Variants in KDM4C observed in about 807,000 individuals in gnomAD.
KDM4C encodes the protein lysine-specific demethylase 4C.
A neutral mutation model predicts 129.3 loss-of-function variants in KDM4C; 81 were observed. The observed-to-expected ratio is 0.63, with a 90% CI of 0.52 to 0.75. The LOEUF (loss-of-function observed/expected upper bound fraction) is 0.75, where lower values mean the gene tolerates loss of function less well. KDM4C is among the 30% of genes least tolerant of loss of function. The probability of loss-of-function intolerance (pLI) is 0.00; values close to 1 mark genes in which losing one functional copy is unlikely to be tolerated. For synonymous variants in KDM4C, 573 were observed against 456.1 expected, an observed-to-expected ratio of 1.26 and a Z score of -3.26; for missense variants, 1,457 against 1,304.0, an observed-to-expected ratio of 1.12 and a Z score of -1.81.
At chr9:7,170,006 G>A (rs7022348) in intron 21 of KDM4C, 116 bp downstream of exon 21, 299,358 of 1,556,958 alleles carry the variant, frequency 0.19, 30,673 homozygotes, top group Middle Eastern at 0.24. Context: ...TCTAAAAAAA[G>A]CCAATGCAAC....
chr9:7,110,272 G>A (rs1458839219), intron 18 of KDM4C, among the ~76,000 whole-genome samples: 1 of 152,166 alleles, frequency 6.6e-6, no homozygotes, highest in Admixed American at 6.5e-5. Flanking sequence ...GCCATGAAAG[G>A]TGCACATTAC....
chr9:6,892,829 C>T (rs905504081), intron 7 of KDM4C, among the ~76,000 whole-genome samples: 5 of 152,124 alleles, frequency 3.3e-5, no homozygotes, highest in Non-Finnish European at 7.4e-5. Context: ...AAGATACCTT[C>T]AATTAAAATG....
In KDM4C at chr9:6,943,878, C is replaced by G. The variant is rs891136570; in HGVS notation, c.922-37047C>G. On this transcript the variant is annotated intron_variant, in intron 8 of 21. Transcript: ENST00000381309. ...AGCCAGAATCTTTTTTTACAGGGTC[C>G]CCAGATGTTTCTCATGCTTGCTAAA... Among the ~76,000 whole-genome samples the G allele has an allele frequency of 2.6e-5, 4 of 152,108 alleles. No homozygotes were observed. In the South Asian group the frequency reaches 8.3e-4, roughly 32 times the overall value.
At chr9:6,743,197 G>A (rs1817759819) in intron 1 of KDM4C, among the ~76,000 whole-genome samples, 1 of 152,168 alleles carries the variant, frequency 6.6e-6, no homozygotes, top group African/African-American at 2.4e-5. Flanking sequence ...CAATCCTCTT[G>A]TCTTAAGTAG....
At chr9:6,864,612 G>T (rs1002686174) in intron 5 of KDM4C, among the ~76,000 whole-genome samples, 22 of 151,724 alleles carry the variant, frequency 1.5e-4, no homozygotes, top group Non-Finnish European at 2.6e-4. Flanking sequence ...GGGATTACAG[G>T]CATGTGCCAA....
intron 3 of KDM4C, among the ~76,000 whole-genome samples, chr9:6,806,979 C>T (rs62568039): frequency 6.6e-6 from 1 of 152,078 alleles, no homozygotes; most frequent in Non-Finnish European, 1.5e-5. Context: ...CTGCCATCTC[C>T]GCTCACTGCA....
intron 17 of KDM4C, among the ~76,000 whole-genome samples, chr9:7,078,986 C>T (rs1283745317): frequency 6.6e-6 from 1 of 152,206 alleles, no homozygotes; most frequent in Non-Finnish European, 1.5e-5. Context: ...TAGGCACCCT[C>T]TGCCTAGCAT....
intron 5 of KDM4C, among the ~76,000 whole-genome samples, chr9:6,856,533 TGTGTG>T (rs1564171389): frequency 7.9e-5 from 10 of 126,792 alleles, no homozygotes; most frequent in African/African-American, 3.3e-4. Flanking sequence ...TATCTCTCTC[TGTGTG>T]CGTGTGTGTG....
intron 4 of KDM4C, among the ~76,000 whole-genome samples, chr9:6,839,278 A>T (rs746973832): frequency 2.6e-5 from 4 of 152,028 alleles, no homozygotes; most frequent in Non-Finnish European, 4.4e-5. Flanking sequence ...TACCCAGGCT[A>T]GAGTGCAGTA....
upstream of KDM4C, among the ~76,000 whole-genome samples, chr9:6,755,472 C>T (rs1818213602): frequency 1.3e-5 from 2 of 152,072 alleles, no homozygotes; most frequent in Non-Finnish European, 1.5e-5. Flanking sequence ...TGCTTGAACC[C>T]GGGAGGTCAA....
chr9:6,824,367 T>A (rs955441213), intron 4 of KDM4C, among the ~76,000 whole-genome samples: 55 of 152,196 alleles, frequency 3.6e-4, no homozygotes, highest in African/African-American at 1.3e-3. Flanking sequence ...GATAACAGAC[T>A]GCAGCAAGAT....
chr9:7,121,964 G>A lies in KDM4C; in HGVS notation c.2611-6102G>A, dbSNP rs997967120. 4.6e-5 allele frequency among the ~76,000 whole-genome samples: 7 copies of A among 151,866 alleles called. No homozygotes were observed. In the East Asian group the frequency reaches 1.3e-3, roughly 29 times the overall value. ...CATTTTTTCCCATGCTTATTTTCTG[G>A]TTGGTTTTATTTCCTTTTCTTTCCA... is the stretch of plus-strand genomic sequence containing the variant. On this transcript the variant is annotated intron_variant, in intron 18 of 21. Transcript: ENST00000381309.
chr9:6,921,470 T>C (rs989561176), intron 8 of KDM4C, among the ~76,000 whole-genome samples: 3 of 152,200 alleles, frequency 2.0e-5, no homozygotes, highest in Admixed American at 2.0e-4. Context: ...GCTCACTCGC[T>C]TTCTGTTTAA....
rs61477112 is a variant in KDM4C at position 6,873,941 on chromosome 9, CGAGAGAGAGA to C, written c.630-6049_630-6040del. On this transcript the variant is annotated intron_variant, in intron 5 of 21. Transcript: ENST00000381309. ...GAGAGAGAGAGAGAGTGAGAGAGAG[CGAGAGAGAGA>C]GAGAGAGAGAGAGAGAGAGAGGATC... Among the ~76,000 whole-genome samples, 18 of 132,162 alleles carry C rather than the reference CGAGAGAGAGA, an allele frequency of 1.4e-4. 1 individual carries two copies. The highest frequency in any genetic ancestry group is 5.0e-4 in the African/African-American group (17 of 33,702). The allele number at this position is 132,162 out of a possible 152,430, so 86.7% of individuals were successfully genotyped here. A position where few individuals can be genotyped will look rare whatever the true frequency, so the allele number is the denominator to read the frequency against.
intron 1 of KDM4C, among the ~76,000 whole-genome samples, chr9:6,765,556 C>G (rs939309627): frequency 2.6e-5 from 4 of 152,140 alleles, no homozygotes; most frequent in African/African-American, 9.6e-5. Context: ...TTTTTATTTC[C>G]TTCTATTCTA....
rs1207993911 is a variant in KDM4C, at chr9:6,990,547, G to A, written c.1786+23G>A. 2.1e-5 allele frequency: 26 copies of A among 1,254,210 alleles called. No individual in the cohort carries two copies. In the East Asian group the frequency reaches 6.8e-4, roughly 33 times the overall value. 77.7% of individuals were successfully genotyped at this position (1,254,210 alleles called of 1,614,324 possible). ...AAGGTGAGATGGTGACCCTTTTTGG[G>A]ATTTTTTTTTTTTTTTTTGGTGTGT... On this transcript the variant is annotated intron_variant, in intron 12 of 21. Coordinates refer to ENST00000381309, the MANE Select transcript of KDM4C (RefSeq NM_015061.6).
intron 8 of KDM4C, among the ~76,000 whole-genome samples, chr9:6,933,141 G>A (rs1425393434): frequency 1.3e-5 from 2 of 152,154 alleles, no homozygotes; most frequent in East Asian, 3.9e-4. Context: ...ACACAAAATA[G>A]ACTATAGCAT....
At chr9:6,752,598 C>T (rs572624928) in intron 1 of KDM4C, among the ~76,000 whole-genome samples, 21 of 151,342 alleles carry the variant, frequency 1.4e-4, no homozygotes, top group African/African-American at 3.4e-4. Flanking sequence ...TTAGTAGAGA[C>T]GGAGTTTCAC....
chr9:6,762,999 C>T (rs972614527), intron 1 of KDM4C, among the ~76,000 whole-genome samples: 1 of 151,948 alleles, frequency 6.6e-6, no homozygotes, highest in African/African-American at 2.4e-5. Context: ...TCTAAAGATT[C>T]CCTACTTCCT....
Sources: allele counts gnomAD v4.1 joint callset (sites outside exome capture counted in the v4.1 genomes callset), GRCh38; gene constraint gnomAD v4.1.1; transcripts MANE v1.5; gene names NCBI Gene and HGNC (gene_info 2026-07-23, HGNC 2026-07-21).